Variants in CNBD1 observed in about 807,000 individuals in gnomAD.
CNBD1 encodes the protein cyclic nucleotide binding domain containing 1.
CNBD1 carries 71 observed loss-of-function variants against 54.4 expected under a neutral mutation model. The ratio of observed to expected loss-of-function variants is 1.30; its 90% CI spans 1.08 to 1.59. The LOEUF (loss-of-function observed/expected upper bound fraction) is 1.59. Ranked by LOEUF, CNBD1 falls within the 40% of genes most tolerant of loss-of-function variation. The pLI, the probability that CNBD1 is intolerant of heterozygous loss-of-function variation, is 0.00. For synonymous variants in CNBD1, 182 were observed against 170.7 expected (o/e 1.07, Z -0.51); for missense variants, 659 against 518.0 (o/e 1.27, Z -2.64).
At chr8:87,415,372 G>A (rs1432519089) in intron 2 of CNBD1, among the ~76,000 whole-genome samples, 1 of 152,018 alleles carries the variant, frequency 6.6e-6, no homozygotes, top group Admixed American at 6.6e-5. Flanking sequence ...CTCACAGAAT[G>A]TTTTGGGTTC....
At chr8:87,247,446 T>A (rs1807828154) in intron 6 of CNBD1, among the ~76,000 whole-genome samples, 1 of 152,210 alleles carries the variant, frequency 6.6e-6, no homozygotes, top group African/African-American at 2.4e-5. Flanking sequence ...TGTTCACTCA[T>A]TGCCCCATAA....
chr8:87,073,023 T>C (rs2130654303), intron 4 of CNBD1, among the ~76,000 whole-genome samples: 1 of 152,158 alleles, frequency 6.6e-6, no homozygotes, highest in South Asian at 2.1e-4. Flanking sequence ...TTCTGTATTT[T>C]TTTTTCTATT....
At chr8:87,349,954 T>C (rs142551825) in intron 8 of CNBD1, among the ~76,000 whole-genome samples, 527 of 152,304 alleles carry the variant, frequency 3.5e-3, no homozygotes, top group African/African-American at 0.012. Context: ...GTGACCTACA[T>C]AGGGTTTGAC....
At chr8:87,160,655 A>G (rs900298850) in intron 4 of CNBD1, among the ~76,000 whole-genome samples, 3 of 152,168 alleles carry the variant, frequency 2.0e-5, no homozygotes, top group Non-Finnish European at 4.4e-5. Context: ...TTTAAAAGTC[A>G]AAATAAAAAT....
intron 6 of CNBD1, among the ~76,000 whole-genome samples, chr8:87,261,195 G>T (rs1240060808): frequency 1.3e-5 from 2 of 152,038 alleles, no homozygotes; most frequent in Non-Finnish European, 1.5e-5. Context: ...TGAGAAATGT[G>T]CTCAAAGAAA....
intron 4 of CNBD1, among the ~76,000 whole-genome samples, chr8:87,194,435 C>T (rs1480592986): frequency 6.6e-6 from 1 of 152,128 alleles, no homozygotes; most frequent in Non-Finnish European, 1.5e-5. Flanking sequence ...CACTTATAAT[C>T]TTGGCCCTAG....
intron 4 of CNBD1, among the ~76,000 whole-genome samples, chr8:87,102,770 C>T (rs779844192): frequency 5.3e-5 from 8 of 152,088 alleles, no homozygotes; most frequent in African/African-American, 7.2e-5. Flanking sequence ...CCTGCCAAAA[C>T]GCCCGGCTAA....
At chr8:87,073,305 A>G (rs557318807) in intron 4 of CNBD1, among the ~76,000 whole-genome samples, 7 of 152,168 alleles carry the variant, frequency 4.6e-5, no homozygotes, top group Admixed American at 4.6e-4. Flanking sequence ...ACTTCTGTCA[A>G]TTCAGCCATT....
chr8:86,980,442 C>T (rs1300848458), intron 4 of CNBD1, among the ~76,000 whole-genome samples: 2 of 152,198 alleles, frequency 1.3e-5, no homozygotes, highest in East Asian at 3.9e-4. Context: ...GTATTTACAC[C>T]TCAATGTGAC....
intron 4 of CNBD1, among the ~76,000 whole-genome samples, chr8:87,051,902 C>T (rs192480901): frequency 1.1e-4 from 16 of 152,302 alleles, no homozygotes; most frequent in Non-Finnish European, 1.6e-4. Flanking sequence ...ATCTAAGTCC[C>T]AGGATCCATC....
intron 4 of CNBD1, among the ~76,000 whole-genome samples, chr8:87,041,224 G>A (rs1437427334): frequency 6.6e-6 from 1 of 152,100 alleles, no homozygotes; most frequent in Non-Finnish European, 1.5e-5. Context: ...ATGACAGGAG[G>A]GGTAGGGGAG....
chr8:87,425,168 C>T (rs945937866), intron 2 of CNBD1, among the ~76,000 whole-genome samples: 1 of 152,146 alleles, frequency 6.6e-6, no homozygotes, highest in Non-Finnish European at 1.5e-5. Context: ...GTTTTCAGCT[C>T]CATCAGCTCC....
chr8:87,284,977 T>C (rs932188822), intron 7 of CNBD1, among the ~76,000 whole-genome samples, 162 bp downstream of exon 7: 2 of 152,108 alleles, frequency 1.3e-5, no homozygotes, highest in African/African-American at 4.8e-5. Context: ...TTAAGAGTGC[T>C]GGTGATAGGT....
intron 4 of CNBD1, among the ~76,000 whole-genome samples, chr8:87,076,557 C>T (rs993102561): frequency 2.2e-4 from 34 of 152,168 alleles, no homozygotes; most frequent in African/African-American, 6.7e-4. Flanking sequence ...ATTCTCCTGC[C>T]TCAGCCTCCT....
At chr8:86,965,022 A>G (rs971153236) in intron 4 of CNBD1, among the ~76,000 whole-genome samples, 1 of 152,200 alleles carries the variant, frequency 6.6e-6, no homozygotes, top group African/African-American at 2.4e-5. Context: ...TTGTCAACCA[A>G]GTAAATTACA....
chr8:86,892,976 G>A (rs1808795236), intron 2 of CNBD1, among the ~76,000 whole-genome samples: 1 of 152,250 alleles, frequency 6.6e-6, no homozygotes, highest in African/African-American at 2.4e-5. Flanking sequence ...AAAGGGAGGA[G>A]AGCTTTAAAA....
chr8:87,013,058 G>A (rs1809258387), intron 4 of CNBD1, among the ~76,000 whole-genome samples: 1 of 152,186 alleles, frequency 6.6e-6, no homozygotes, highest in Non-Finnish European at 1.5e-5. Flanking sequence ...GGCGCCTAAT[G>A]TGCGGCCTCA....
In CNBD1 at chr8:86,904,522, C is replaced by T. The variant is rs1808986989; in HGVS notation, c.159-559C>T. Among the ~76,000 whole-genome samples, 5 of 152,056 alleles carry T rather than the reference C, an allele frequency of 3.3e-5. No homozygotes were observed. The South Asian group carries it at 1.0e-3, about 32-fold the overall frequency. On this transcript the variant is annotated intron_variant, in intron 2 of 10. Transcript: ENST00000518476. ...ATAGATTTAAAAAAGAGAAGCCCACCCAGGGCTCTACTGTTGGAGTTTATG... is the reference window on the plus strand; with the variant it reads ...ATAGATTTAAAAAAGAGAAGCCCACTCAGGGCTCTACTGTTGGAGTTTATG...
chr8:87,058,879 C>T (rs941897059), intron 4 of CNBD1, among the ~76,000 whole-genome samples: 1 of 152,210 alleles, frequency 6.6e-6, no homozygotes, highest in Non-Finnish European at 1.5e-5. Flanking sequence ...CAAATTTATG[C>T]AGCAGGCTTG....
Sources: allele counts gnomAD v4.1 joint callset (sites outside exome capture counted in the v4.1 genomes callset), GRCh38; gene constraint gnomAD v4.1.1; transcripts MANE v1.5; gene names NCBI Gene and HGNC (gene_info 2026-07-23, HGNC 2026-07-21).